The following SYNJ2 variants were observed in gnomAD, a reference collection of about 807,000 sequenced individuals.
SYNJ2 encodes polyphosphatidylinositol phosphatase SYNJ2.
A neutral mutation model predicts 141.3 loss-of-function variants in SYNJ2; 116 were observed. The ratio of observed to expected loss-of-function variants is 0.82; its 90% CI spans 0.71 to 0.96. The LOEUF is 0.96. Ranked by LOEUF, SYNJ2 falls within the 40% of genes least tolerant of loss-of-function variation. The probability of loss-of-function intolerance (pLI) is 0.00; values close to 1 mark genes in which losing one functional copy is unlikely to be tolerated. For synonymous variants in SYNJ2, 745 were observed against 777.7 expected, an observed-to-expected ratio of 0.96 and a Z score of 0.70; for missense variants, 1,873 against 1,934.8, an observed-to-expected ratio of 0.97 and a Z score of 0.60.
At chr6:158,054,287 ATCC>A (rs1402113586) in intron 5 of SYNJ2, among the ~76,000 whole-genome samples, 5 of 146,510 alleles carry the variant, frequency 3.4e-5, no homozygotes, top group Admixed American at 2.7e-4. Flanking sequence ...CCAGCTATTC[ATCC>A]ATCCATCCAT....
Position 158,071,890 on chromosome 6 carries a change from G to A in SYNJ2, c.2133+96G>A. 1 of 1,405,286 alleles carries A rather than the reference G, an allele frequency of 7.1e-7. No individual in the cohort carries two copies. Among genetic ancestry groups the A allele is most frequent in the African/African-American group, 1.4e-5 (1 of 70,150 alleles). The allele number at this position is 1,405,286 out of a possible 1,614,324, so 87.1% of individuals were successfully genotyped here. A position where few individuals can be genotyped will look rare whatever the true frequency, so the allele number is the denominator to read the frequency against. On this transcript the variant is annotated intron_variant, in intron 15 of 26. Coordinates refer to ENST00000355585, the MANE Select transcript of SYNJ2 (RefSeq NM_003898.4). The surrounding 1 kb of genome is among the most constrained non-coding windows in gnomAD (Gnocchi z 4.3). ...GCCAGGCACTGGGGACACAACCACA[G>A]GGAGGGCCCCTTCCTGGAGGGCTCA...
At chr6:158,038,355 G>A (rs9365766) in intron 4 of SYNJ2, among the ~76,000 whole-genome samples, 57,884 of 152,024 alleles carry the variant, frequency 0.38, 11,395 homozygotes, top group Middle Eastern at 0.5. Context: ...ACCACCTGCC[G>A]CTCACCCACA....
At chr6:158,014,621 T>A (rs9364743) in intron 1 of SYNJ2, among the ~76,000 whole-genome samples, 1 of 151,856 alleles carries the variant, frequency 6.6e-6, no homozygotes, top group East Asian at 1.9e-4. Flanking sequence ...CCTAGAGAAA[T>A]GGAGGAAGGG....
chr6:158,029,077 G>A (rs763331604), intron 3 of SYNJ2, 51 bp downstream of exon 3: 88 of 1,591,896 alleles, frequency 5.5e-5, no homozygotes, highest in Non-Finnish European at 7.4e-5. Flanking sequence ...TCCTGCAGAG[G>A]GTGGGCCCTG....
chr6:158,014,717 T>C (rs747875938), intron 1 of SYNJ2, among the ~76,000 whole-genome samples: 6 of 152,084 alleles, frequency 3.9e-5, no homozygotes, highest in Non-Finnish European at 8.8e-5. Context: ...ATCTGATTGG[T>C]GGGTGGTAGC....
intron 4 of SYNJ2, among the ~76,000 whole-genome samples, chr6:158,039,188 T>G (rs1226705489): frequency 6.6e-6 from 1 of 152,262 alleles, no homozygotes; most frequent in Non-Finnish European, 1.5e-5. Context: ...TATGTCACTT[T>G]ATAGCAGTAC....
chr6:158,033,252 T>A (rs1779463441), intron 3 of SYNJ2, among the ~76,000 whole-genome samples: 1 of 152,212 alleles, frequency 6.6e-6, no homozygotes, highest in Non-Finnish European at 1.5e-5. Context: ...ACAGTGGTCC[T>A]GCTATTTGGG....
intron 6 of SYNJ2, among the ~76,000 whole-genome samples, chr6:158,056,931 G>C (rs1464991650): frequency 6.6e-6 from 1 of 151,864 alleles, no homozygotes; most frequent in Non-Finnish European, 1.5e-5. Flanking sequence ...TTTGCAGCAG[G>C]ACTTTGGCTG....
intron 1 of SYNJ2, chr6:158,001,157 G>A (rs1777838977): frequency 6.6e-6 from 1 of 152,366 alleles, no homozygotes; most frequent in Non-Finnish European, 1.5e-5. Flanking sequence ...CACCCTGCAT[G>A]CACTTGTGTT....
chr6:157,995,024 G>T (rs1169232560), intron 1 of SYNJ2, among the ~76,000 whole-genome samples: 1 of 152,172 alleles, frequency 6.6e-6, no homozygotes, highest in African/African-American at 2.4e-5. Flanking sequence ...GCCCCAGACT[G>T]CCCATCCTGC....
chr6:157,999,499 T>G (rs1432324586), intron 1 of SYNJ2, among the ~76,000 whole-genome samples: 1 of 152,250 alleles, frequency 6.6e-6, no homozygotes, highest in Non-Finnish European at 1.5e-5. Flanking sequence ...AGATTGAGCC[T>G]GCCCTCTAGG....
intron 3 of SYNJ2, 96 bp downstream of exon 3, chr6:158,029,122 A>C (rs1020863109): frequency 1.2e-4 from 160 of 1,320,498 alleles, no homozygotes; most frequent in Non-Finnish European, 1.4e-4. Context: ...CACTTGCACC[A>C]CCCCCGGGTT....
At chr6:158,039,755 G>T (rs772786909) in intron 4 of SYNJ2, among the ~76,000 whole-genome samples, 8 of 143,930 alleles carry the variant, frequency 5.6e-5, no homozygotes, top group Admixed American at 2.1e-4. Context: ...CGGTGGCCTC[G>T]CCCCAGGGTG....
At chr6:158,049,600 A>T (rs948925316) in intron 5 of SYNJ2, among the ~76,000 whole-genome samples, 1 of 152,184 alleles carries the variant, frequency 6.6e-6, no homozygotes, top group Admixed American at 6.5e-5. Context: ...AAGTCCAATA[A>T]TACAACTTGT....
intron 4 of SYNJ2, among the ~76,000 whole-genome samples, chr6:158,037,370 C>A (rs1192751261): frequency 6.6e-6 from 1 of 151,488 alleles, no homozygotes; most frequent in Non-Finnish European, 1.5e-5. Flanking sequence ...GGATCAGGGA[C>A]CCACCCTACT....
chr6:158,094,552 A>T (rs1783685316), intron 26 of SYNJ2, among the ~76,000 whole-genome samples: 1 of 152,228 alleles, frequency 6.6e-6, no homozygotes. Context: ...GAACCATTGT[A>T]AGTCGGGGAC....
intron 5 of SYNJ2, among the ~76,000 whole-genome samples, chr6:158,045,852 G>A (rs191507486): frequency 1.8e-3 from 270 of 152,320 alleles, no homozygotes; most frequent in Non-Finnish European, 2.9e-3. Flanking sequence ...AGTGGACCAC[G>A]AGGTCTCAGC....
intron 2 of SYNJ2, among the ~76,000 whole-genome samples, chr6:158,018,013 C>A (rs1109510): frequency 6.6e-6 from 1 of 151,434 alleles, no homozygotes; most frequent in Non-Finnish European, 1.5e-5. Context: ...GGCAGATGCC[C>A]GGGGGCACAG....
intron 25 of SYNJ2, among the ~76,000 whole-genome samples, chr6:158,091,675 G>C (rs1783461601): frequency 6.6e-6 from 1 of 151,622 alleles, no homozygotes; most frequent in African/African-American, 2.4e-5. Flanking sequence ...ATTTGAACTG[G>C]GGAGGCAGAG....
Sources: gnomAD v4.1 joint callset for allele counts (sites outside exome capture counted in the v4.1 genomes callset) on GRCh38, gnomAD v4.1.1 for gene constraint, Gnocchi (gnomAD v3.1) non-coding constraint, MANE v1.5 for transcripts, NCBI Gene and HGNC (gene_info 2026-07-23, HGNC 2026-07-21) for gene names.